Variants in HDAC4 observed in about 807,000 individuals in gnomAD.
HDAC4 encodes the protein histone deacetylase A.
HDAC4 carries 16 observed loss-of-function variants against 135.1 expected under a neutral mutation model. The observed-to-expected ratio is 0.12, with a 90% confidence interval of 0.08 to 0.18. The LOEUF is 0.18. Ranked by LOEUF, HDAC4 falls within the 10% of genes least tolerant of loss-of-function variation. HDAC4 has a pLI of 1.00. For missense variants in HDAC4, 1,143 were observed against 1,511.8 expected (o/e 0.76, Z 4.05); for synonymous variants, 685 against 653.4 (o/e 1.05, Z -0.74).
In HDAC4 at chr2:239,066,711, G is replaced by A. The variant is rs2033539029; in HGVS notation, c.3003+11C>T. ...GTGGAGCATCCTGTGGGGTCTCTGGGGTCTTCCTACCTCGTTTCCCAGCAA... is the reference window on the plus strand; with the variant it reads ...GTGGAGCATCCTGTGGGGTCTCTGGAGTCTTCCTACCTCGTTTCCCAGCAA... On this transcript the variant is annotated intron_variant, in intron 24 of 26. Coordinates refer to ENST00000543185, the MANE Select transcript of HDAC4 (RefSeq NM_001378414.1). 6.2e-7 allele frequency: 1 copy of A among 1,613,470 alleles called. No individual in the cohort carries two copies. The highest frequency in any genetic ancestry group is 8.5e-7 in the Non-Finnish European group (1 of 1,180,026).
chr2:239,385,134 G>A (rs1273256474), intron 1 of HDAC4, among the ~76,000 whole-genome samples: 1 of 152,192 alleles, frequency 6.6e-6, no homozygotes, highest in African/African-American at 2.4e-5. Flanking sequence ...CACAGGACTG[G>A]CACAATCGGA....
intron 24 of HDAC4, among the ~76,000 whole-genome samples, chr2:239,062,564 C>A (rs919600569): frequency 6.6e-6 from 1 of 152,254 alleles, no homozygotes; most frequent in African/African-American, 2.4e-5. Context: ...CAAGAACAGG[C>A]CACGGCTGAA....
rs549721690 is a variant in HDAC4, at chr2:239,229,998, A to G, written c.94+6595T>C. On this transcript the variant is annotated intron_variant, in intron 3 of 26. Transcript: ENST00000543185. ...TGGAAGGAATATATTCTGGGGTAAA[A>G]TACTTTTATTTCCTGCAGGGCCTGC... Among the ~76,000 whole-genome samples, 3 of 152,290 alleles carry G rather than the reference A, an allele frequency of 2.0e-5. No individual in the cohort carries two copies. In the South Asian group the frequency reaches 6.2e-4, roughly 32 times the overall value.
At chr2:239,223,160 A>G (rs2047057340) in intron 3 of HDAC4, among the ~76,000 whole-genome samples, 1 of 152,252 alleles carries the variant, frequency 6.6e-6, no homozygotes, top group Admixed American at 6.5e-5. Flanking sequence ...TTTCCTTCTT[A>G]GCAACCTCCA....
chr2:239,266,815 G>GT (rs1431957029), intron 2 of HDAC4, among the ~76,000 whole-genome samples: 1 of 152,114 alleles, frequency 6.6e-6, no homozygotes, highest in Admixed American at 6.5e-5. Flanking sequence ...TGTCTACAAG[G>GT]CACCCGCTTG....
chr2:239,226,664 A>AGG (rs2047257233), intron 3 of HDAC4, among the ~76,000 whole-genome samples: 1 of 140,950 alleles, frequency 7.1e-6, no homozygotes, highest in Non-Finnish European at 1.6e-5. Context: ...GTAACATGTA[A>AGG]TGGGGGGGGT....
chr2:239,137,394 ACTCT>A (rs2152892969), intron 9 of HDAC4, among the ~76,000 whole-genome samples: 1 of 152,086 alleles, frequency 6.6e-6, no homozygotes, highest in African/African-American at 2.4e-5. Flanking sequence ...ACTTCCTCTC[ACTCT>A]CTGAGCCCTG....
chr2:239,213,742 A>G (rs1421003127), intron 3 of HDAC4, among the ~76,000 whole-genome samples: 1 of 152,236 alleles, frequency 6.6e-6, no homozygotes, highest in East Asian at 1.9e-4. Context: ...AAATAAAAGC[A>G]TGGAACACAC....
At chr2:239,147,235 G>A (rs1000872174) in intron 7 of HDAC4, among the ~76,000 whole-genome samples, 1 of 152,248 alleles carries the variant, frequency 6.6e-6, no homozygotes, top group Non-Finnish European at 1.5e-5. Context: ...GGGGGCAGAA[G>A]GCAGCCGGGG....
chr2:239,352,806 G>C lies in HDAC4; in HGVS notation c.-107C>G, dbSNP rs1355793910. On this transcript the variant is annotated 5_prime_UTR_variant, in exon 2 of 27. Coordinates refer to ENST00000543185, the MANE Select transcript of HDAC4 (RefSeq NM_001378414.1). This position sits in a 1 kb window ranked among gnomAD's most constrained non-coding sequence, Gnocchi z 4.4. ...TCCCACCAACACATACAAGTACCGGGACGGTGAGGGCTGGGTCACAGACGT... is the reference window on the plus strand; with the variant it reads ...TCCCACCAACACATACAAGTACCGGCACGGTGAGGGCTGGGTCACAGACGT... 9.0e-7 allele frequency: 1 copy of C among 1,115,432 alleles called. No homozygotes were observed. The highest frequency in any genetic ancestry group is 1.5e-5 in the African/African-American group (1 of 64,574). 69.1% of individuals were successfully genotyped at this position (1,115,432 alleles called of 1,614,324 possible).
intron 22 of HDAC4, among the ~76,000 whole-genome samples, chr2:239,079,765 T>C (rs1483351495): frequency 6.6e-6 from 1 of 150,552 alleles, no homozygotes; most frequent in East Asian, 2.0e-4. Context: ...CACAGAGATA[T>C]ACACACAAAG....
At chr2:239,199,020 T>C (rs1279407392) in intron 3 of HDAC4, among the ~76,000 whole-genome samples, 1 of 152,194 alleles carries the variant, frequency 6.6e-6, no homozygotes, top group Middle Eastern at 3.2e-3. Context: ...TAAACACTTT[T>C]AAATATTTTG....
intron 9 of HDAC4, among the ~76,000 whole-genome samples, chr2:239,135,558 A>C (rs970824101): frequency 6.6e-6 from 1 of 152,254 alleles, no homozygotes; most frequent in Non-Finnish European, 1.5e-5. Flanking sequence ...GGTGAATCAC[A>C]AATCAGTTAG....
At position 239,097,347 on chromosome 2, in the gene HDAC4, C is replaced by T. The variant is rs114156339; in HGVS notation, c.2234-2291G>A. On this transcript the variant is annotated intron_variant, in intron 16 of 26. Coordinates refer to ENST00000543185, the MANE Select transcript of HDAC4 (RefSeq NM_001378414.1). Reference sequence around the variant, plus strand: ...TCACGCCCACTGAGGGCAGCAGCACCAGCATGCCTCCCCTTCCTGGGCGCT... The same window carrying T: ...TCACGCCCACTGAGGGCAGCAGCACTAGCATGCCTCCCCTTCCTGGGCGCT... Among the ~76,000 whole-genome samples the T allele has an allele frequency of 3.9e-3, 588 of 152,364 alleles. 1 individual carries two copies. The highest frequency in any genetic ancestry group is 0.013 in the African/African-American group (560 of 41,586).
chr2:239,139,771 G>A lies in HDAC4; in HGVS notation c.891C>T (p.Gly297=). 1.2e-6 allele frequency: 2 copies of A among 1,614,076 alleles called. No individual in the cohort carries two copies. The highest frequency in any genetic ancestry group is 1.7e-6 in the Non-Finnish European group (2 of 1,179,974). Residue 297 remains glycine, a synonymous_variant, in exon 9 of 27, where the codon GGC becomes GGT. Coordinates refer to ENST00000543185, the MANE Select transcript of HDAC4 (RefSeq NM_001378414.1). The surrounding 1 kb of genome is among the most constrained non-coding windows in gnomAD (Gnocchi z 5.3). The part of the protein sequence containing the change: ...VTDSACSSAP[G]SGPSSPNNSS... The stretch of plus-strand genomic sequence containing the variant: ...TGTTGTTGGGTGAGCTGGGTCCGGA[G>A]CCTGGGGCGCTGCTGCACGCGGAGT...
At chr2:239,114,318 T>C (rs1202300167) in intron 13 of HDAC4, among the ~76,000 whole-genome samples, 2 of 152,210 alleles carry the variant, frequency 1.3e-5, no homozygotes, top group Non-Finnish European at 2.9e-5. Flanking sequence ...GCAGCAGCTC[T>C]GCTGCTGGAG....
At chr2:239,160,618 C>T (rs2042730724) in intron 6 of HDAC4, among the ~76,000 whole-genome samples, 1 of 152,246 alleles carries the variant, frequency 6.6e-6, no homozygotes, top group Admixed American at 6.5e-5. Flanking sequence ...TGGGGCTCCC[C>T]CAAGCTGCTG....
At chr2:239,383,278 G>A (rs952689668) in intron 1 of HDAC4, among the ~76,000 whole-genome samples, 8 of 152,186 alleles carry the variant, frequency 5.3e-5, no homozygotes, top group Non-Finnish European at 1.2e-4. Context: ...CCCTGGCACT[G>A]CTCTGAGCCC....
At chr2:239,219,846 C>T (rs543696627) in intron 3 of HDAC4, among the ~76,000 whole-genome samples, 3 of 152,302 alleles carry the variant, frequency 2.0e-5, no homozygotes, top group African/African-American at 7.2e-5. Context: ...GTCTGAGGCA[C>T]ACACTGTGGG....
Sources: gnomAD v4.1 joint callset for allele counts (sites outside exome capture counted in the v4.1 genomes callset) on GRCh38, gnomAD v4.1.1 for gene constraint, Gnocchi (gnomAD v3.1) non-coding constraint, MANE v1.5 for transcripts, NCBI Gene and HGNC (gene_info 2026-07-23, HGNC 2026-07-21) for gene names.